MEF2A: variants seen among roughly 807,000 people sequenced by gnomAD.
MEF2A encodes myocyte enhancer factor 2A.
In MEF2A, 28 loss-of-function variants were observed where a neutral mutation model predicts 55.8. That is an observed-to-expected ratio of 0.50 (90% CI 0.37 to 0.69). The LOEUF (loss-of-function observed/expected upper bound fraction) is 0.69, where lower values mean the gene tolerates loss of function less well. Ranked by LOEUF, MEF2A falls within the 30% of genes least tolerant of loss-of-function variation. The probability of loss-of-function intolerance (pLI) is 0.00; values close to 1 mark genes in which losing one functional copy is unlikely to be tolerated. For missense variants in MEF2A, 528 were observed against 626.2 expected (o/e 0.84, Z 1.67); for synonymous variants, 239 against 227.1 (o/e 1.05, Z -0.47).
chr15:99,715,363 C>G lies in MEF2A; in HGVS notation c.*2592C>G, dbSNP rs1001454443. 2 of 152,220 alleles carry G rather than the reference C, an allele frequency of 1.3e-5. No homozygotes were observed. Among genetic ancestry groups the G allele is most frequent in the African/African-American group, 4.8e-5 (2 of 41,456 alleles). The allele number at this position is 152,220 out of a possible 1,614,324, so 9.4% of individuals were successfully genotyped here. The stretch of plus-strand genomic sequence containing the variant: ...TATCTCAATAGTCTTTCTTTCTATG[C>G]AGGTTTATAATCAGTACAACTACTG... On this transcript the variant is annotated 3_prime_UTR_variant, in exon 12 of 12. Coordinates refer to ENST00000557942, the MANE Select transcript of MEF2A (RefSeq NM_001319206.4).
At chr15:99,605,465 C>G (rs923052245) in intron 2 of MEF2A, among the ~76,000 whole-genome samples, 20 of 152,096 alleles carry the variant, frequency 1.3e-4, no homozygotes, top group Non-Finnish European at 2.6e-4. Context: ...CAAAGTTGAA[C>G]TATATTGTGC....
intron 2 of MEF2A, among the ~76,000 whole-genome samples, chr15:99,622,470 TAATAA>T (rs1184688015): frequency 6.6e-6 from 1 of 152,194 alleles, no homozygotes; most frequent in African/African-American, 2.4e-5. Context: ...TAGCTTGAAT[TAATAA>T]AATCTGACTC....
At chr15:99,687,093 T>TC (rs1281787147) in intron 7 of MEF2A, among the ~76,000 whole-genome samples, 2 of 139,338 alleles carry the variant, frequency 1.4e-5, no homozygotes, top group East Asian at 2.0e-4. Context: ...TCTTTTTTTT[T>TC]TTTTTTTTTT....
intron 2 of MEF2A, among the ~76,000 whole-genome samples, chr15:99,615,276 G>A (rs1225823493): frequency 6.6e-6 from 1 of 152,170 alleles, no homozygotes; most frequent in Non-Finnish European, 1.5e-5. Context: ...CTTTGCAGTA[G>A]GCTGATAAGC....
chr15:99,597,474 C>G (rs1308355598), intron 1 of MEF2A, among the ~76,000 whole-genome samples: 1 of 152,012 alleles, frequency 6.6e-6, no homozygotes, highest in African/African-American at 2.4e-5. Context: ...GTGCCCGAAA[C>G]TTCATTAGCA....
chr15:99,633,587 A>G (rs190356292), intron 3 of MEF2A, among the ~76,000 whole-genome samples: 5 of 152,176 alleles, frequency 3.3e-5, no homozygotes, highest in Non-Finnish European at 5.9e-5. Flanking sequence ...TGTTCTAGTC[A>G]GTTAAATTTT....
chr15:99,629,738 A>T (rs2042640421), intron 2 of MEF2A, among the ~76,000 whole-genome samples: 1 of 152,172 alleles, frequency 6.6e-6, no homozygotes, highest in South Asian at 2.1e-4. Context: ...ACTTCATTGT[A>T]TCCCATCCTG....
chr15:99,583,713 A>G (rs1966575893), intron 1 of MEF2A, among the ~76,000 whole-genome samples: 1 of 152,150 alleles, frequency 6.6e-6, no homozygotes, highest in Non-Finnish European at 1.5e-5. Flanking sequence ...ATGTATTAAT[A>G]AATATTAGCC....
intron 3 of MEF2A, among the ~76,000 whole-genome samples, chr15:99,636,792 C>A (rs979269242): frequency 6.7e-6 from 1 of 149,038 alleles, no homozygotes; most frequent in Non-Finnish European, 1.5e-5. Context: ...ATGCTTTCTT[C>A]TGTAAGGACT....
chr15:99,633,863 C>T (rs116369189), intron 3 of MEF2A, among the ~76,000 whole-genome samples: 63 of 152,302 alleles, frequency 4.1e-4, no homozygotes, highest in African/African-American at 1.4e-3. Context: ...AGAGCACTGT[C>T]ATGCTCATTC....
intron 1 of MEF2A, among the ~76,000 whole-genome samples, chr15:99,591,203 G>A (rs1438742915): frequency 6.6e-6 from 1 of 152,124 alleles, no homozygotes; most frequent in Non-Finnish European, 1.5e-5. Flanking sequence ...GTGTTTCTTG[G>A]ATTGCAGGCC....
At chr15:99,577,560 C>T (rs1964692083) in intron 1 of MEF2A, among the ~76,000 whole-genome samples, 2 of 152,186 alleles carry the variant, frequency 1.3e-5, no homozygotes, top group African/African-American at 4.8e-5. Flanking sequence ...TAATGTTGGA[C>T]AGCTATATAA....
intron 2 of MEF2A, among the ~76,000 whole-genome samples, chr15:99,608,796 G>A (rs1169991125): frequency 6.6e-6 from 1 of 152,048 alleles, no homozygotes; most frequent in Non-Finnish European, 1.5e-5. Flanking sequence ...AGCTACATGG[G>A]AGGCTGAGGC....
intron 8 of MEF2A, among the ~76,000 whole-genome samples, chr15:99,700,990 C>A (rs1397442278): frequency 6.6e-6 from 1 of 152,094 alleles, no homozygotes; most frequent in Non-Finnish European, 1.5e-5. Flanking sequence ...GAGAGTAAAT[C>A]AGCATTAGAA....
At chr15:99,639,962 A>T (rs2044584538) in intron 3 of MEF2A, among the ~76,000 whole-genome samples, 2 of 152,114 alleles carry the variant, frequency 1.3e-5, no homozygotes, top group South Asian at 4.1e-4. Context: ...TTCAGTCTTT[A>T]CCAAAACACT....
At chr15:99,609,758 A>G (rs1976464106) in intron 2 of MEF2A, among the ~76,000 whole-genome samples, 1 of 152,186 alleles carries the variant, frequency 6.6e-6, no homozygotes. Context: ...CCATAAGGGT[A>G]AAGAATCTGC....
At chr15:99,691,634 G>A (rs181562563) in intron 8 of MEF2A, among the ~76,000 whole-genome samples, 5 of 151,690 alleles carry the variant, frequency 3.3e-5, no homozygotes, top group African/African-American at 1.2e-4. Context: ...AGAGGTGGAG[G>A]TTGCAGTGAG....
At chr15:99,606,037 C>G in intron 2 of MEF2A, among the ~76,000 whole-genome samples, 1 of 152,168 alleles carries the variant, frequency 6.6e-6, no homozygotes, top group East Asian at 1.9e-4. Flanking sequence ...TATAAATCTA[C>G]AGTCACTGAT....
intron 1 of MEF2A, among the ~76,000 whole-genome samples, 160 bp downstream of exon 1, chr15:99,566,264 C>A (rs1280658300): frequency 1.0e-5 from 1 of 97,550 alleles, no homozygotes; most frequent in Non-Finnish European, 2.0e-5. Flanking sequence ...GACCCCTGGA[C>A]GAGGCCGTGT....
Sources: gnomAD v4.1 joint callset for allele counts (sites outside exome capture counted in the v4.1 genomes callset) on GRCh38, gnomAD v4.1.1 for gene constraint, MANE v1.5 for transcripts, NCBI Gene and HGNC (gene_info 2026-07-23, HGNC 2026-07-21) for gene names.